CYRIB: variants seen among roughly 807,000 people sequenced by gnomAD.
The protein encoded by CYRIB is CYFIP-related Rac1 interactor B.
CYRIB carries 8 observed loss-of-function variants against 44.2 expected under a neutral mutation model. The ratio of observed to expected loss-of-function variants is 0.18; its 90% CI spans 0.11 to 0.33. The LOEUF (loss-of-function observed/expected upper bound fraction) is 0.33, where lower values mean the gene tolerates loss of function less well. Ranked by LOEUF, CYRIB falls within the 10% of genes least tolerant of loss-of-function variation. The probability of loss-of-function intolerance (pLI) is 1.00; values close to 1 mark genes in which losing one functional copy is unlikely to be tolerated. For missense variants in CYRIB, 185 were observed against 382.8 expected (o/e 0.48, Z 4.31); for synonymous variants, 131 against 127.2 (o/e 1.03, Z -0.20).
chr8:129,934,419 A>G (rs1368646503), intron 1 of CYRIB, among the ~76,000 whole-genome samples: 2 of 152,186 alleles, frequency 1.3e-5, no homozygotes, highest in South Asian at 2.1e-4. Context: ...TTAAATTATA[A>G]TATCACATTA....
At chr8:129,987,519 G>A (rs1309358898) in intron 1 of CYRIB, among the ~76,000 whole-genome samples, 1 of 149,650 alleles carries the variant, frequency 6.7e-6, no homozygotes, top group African/African-American at 2.5e-5. Flanking sequence ...ACATTCTCTC[G>A]CCTGCCACCT....
chr8:129,958,590 G>A (rs991589239), intron 2 of CYRIB, among the ~76,000 whole-genome samples: 14 of 152,048 alleles, frequency 9.2e-5, no homozygotes, highest in Middle Eastern at 3.2e-3. Flanking sequence ...TGGCAGCCTC[G>A]GGCAGAAAAG....
intron 2 of CYRIB, among the ~76,000 whole-genome samples, chr8:129,964,297 C>T (rs1262819571): frequency 6.6e-6 from 1 of 152,206 alleles, no homozygotes; most frequent in Non-Finnish European, 1.5e-5. Context: ...TGTTTCTAAA[C>T]ACATCAGCAA....
intron 2 of CYRIB, among the ~76,000 whole-genome samples, chr8:129,883,652 A>T (rs987926301): frequency 7.2e-5 from 11 of 152,196 alleles, no homozygotes; most frequent in Non-Finnish European, 8.8e-5. Context: ...TCTCACTGTG[A>T]CTGTTTTCAA....
At chr8:129,960,282 T>C (rs1390595220) in intron 2 of CYRIB, among the ~76,000 whole-genome samples, 1 of 152,158 alleles carries the variant, frequency 6.6e-6, no homozygotes, top group Non-Finnish European at 1.5e-5. Context: ...CTTTTTAAAA[T>C]AAATGAATGA....
intron 1 of CYRIB, among the ~76,000 whole-genome samples, chr8:129,977,592 A>T (rs566996852): frequency 1.4e-4 from 21 of 148,262 alleles, no homozygotes; most frequent in Non-Finnish European, 2.7e-4. Context: ...AGTGCAGTGG[A>T]GCGATCTCGG....
At chr8:129,988,532 T>A (rs2096542588) in intron 1 of CYRIB, among the ~76,000 whole-genome samples, 1 of 152,186 alleles carries the variant, frequency 6.6e-6, no homozygotes, top group Admixed American at 6.5e-5. Flanking sequence ...CAAGCCCACC[T>A]TATACCATAA....
intron 1 of CYRIB, among the ~76,000 whole-genome samples, chr8:129,927,555 T>C (rs2088611620): frequency 6.6e-6 from 1 of 152,202 alleles, no homozygotes; most frequent in Non-Finnish European, 1.5e-5. Context: ...AATACGGATA[T>C]GTCTCTATGA....
chr8:129,926,019 G>C (rs1218928175), intron 1 of CYRIB, among the ~76,000 whole-genome samples: 1 of 152,192 alleles, frequency 6.6e-6, no homozygotes, highest in Admixed American at 6.5e-5. Context: ...CATATTAGAA[G>C]TCACGATCCA....
intron 5 of CYRIB, among the ~76,000 whole-genome samples, chr8:129,860,599 C>CTGCA (rs1295163625): frequency 3.9e-5 from 6 of 152,092 alleles, no homozygotes; most frequent in Non-Finnish European, 8.8e-5. Flanking sequence ...ACAGGCTGTA[C>CTGCA]TGCATCTAAA....
chr8:130,001,128 A>C (rs1300084955), intron 1 of CYRIB, among the ~76,000 whole-genome samples: 1 of 152,184 alleles, frequency 6.6e-6, no homozygotes, highest in Non-Finnish European at 1.5e-5. Flanking sequence ...GCAATCCCAT[A>C]AACGGTTATA....
In CYRIB at chr8:129,870,630, C is replaced by T. The variant is rs181710849; in HGVS notation, c.195+745G>A. Among the ~76,000 whole-genome samples the T allele has an allele frequency of 3.9e-5, 6 of 152,252 alleles. No individual in the cohort carries two copies. In the East Asian group the frequency reaches 1.2e-3, roughly 29 times the overall value. On this transcript the variant is annotated intron_variant, in intron 4 of 11. Transcript: ENST00000519824. ...AAGAGTGACCCTGATGACCTCTGCACTCTTTGTTATAGACAATAATAAACA... is the reference window on the plus strand; with the variant it reads ...AAGAGTGACCCTGATGACCTCTGCATTCTTTGTTATAGACAATAATAAACA...
intron 2 of CYRIB, among the ~76,000 whole-genome samples, chr8:129,951,434 C>T (rs938439714): frequency 1.3e-5 from 2 of 151,856 alleles, no homozygotes; most frequent in Admixed American, 6.6e-5. Flanking sequence ...CGGCCAGTTG[C>T]GGTGGCTCAT....
chr8:129,911,122 G>A (rs2077774692), intron 1 of CYRIB, among the ~76,000 whole-genome samples: 1 of 152,130 alleles, frequency 6.6e-6, no homozygotes, highest in Non-Finnish European at 1.5e-5. Flanking sequence ...TATAAAGTGA[G>A]GTACAGTCTT....
intron 1 of CYRIB, among the ~76,000 whole-genome samples, chr8:129,982,276 C>T (rs1374900252): frequency 6.6e-6 from 1 of 152,226 alleles, no homozygotes; most frequent in Non-Finnish European, 1.5e-5. Flanking sequence ...TCCAATAGAA[C>T]CTTCTGCCTC....
At chr8:129,846,725 A>G in intron 11 of CYRIB, 79 bp downstream of exon 13, 3 of 879,240 alleles carry the variant, frequency 3.4e-6, no homozygotes, top group South Asian at 3.0e-5. Context: ...ATTCACACTT[A>G]ATGCATTTTC....
chr8:129,914,164 C>T (rs1359952266), intron 1 of CYRIB, among the ~76,000 whole-genome samples: 1 of 151,898 alleles, frequency 6.6e-6, no homozygotes, highest in Non-Finnish European at 1.5e-5. Context: ...TTTAAATGGG[C>T]AACTGAAGGA....
chr8:129,878,049 C>T (rs552616692), intron 3 of CYRIB, among the ~76,000 whole-genome samples: 2 of 152,286 alleles, frequency 1.3e-5, no homozygotes, highest in Admixed American at 1.3e-4. Flanking sequence ...AAAAGTCATG[C>T]TAAACATGCA....
At chr8:129,855,542 C>A in intron 6 of CYRIB, 69 bp downstream of exon 8, 1 of 1,491,310 alleles carries the variant, frequency 6.7e-7, no homozygotes, top group Non-Finnish European at 9.3e-7. Flanking sequence ...TGTTTCCCGG[C>A]TCTTCCTCCT....
Sources: gnomAD v4.1 joint callset for allele counts (sites outside exome capture counted in the v4.1 genomes callset) on GRCh38, gnomAD v4.1.1 for gene constraint, MANE v1.5 for transcripts, NCBI Gene and HGNC (gene_info 2026-07-23, HGNC 2026-07-21) for gene names.